The following DLC1 variants were observed in gnomAD, a reference collection of about 807,000 sequenced individuals.
DLC1 encodes the protein rho GTPase-activating protein 7.
In DLC1, 54 loss-of-function variants were observed where a neutral mutation model predicts 140.3. The ratio of observed to expected loss-of-function variants is 0.38; its 90% CI spans 0.31 to 0.48. The LOEUF (loss-of-function observed/expected upper bound fraction) is 0.48. DLC1 is among the 20% of genes least tolerant of loss of function. The pLI is 0.96. For missense variants in DLC1, 2,536 were observed against 1,907.0 expected (o/e 1.33, Z -6.14); for synonymous variants, 986 against 728.1 (o/e 1.35, Z -5.70).
In DLC1 at chr8:13,087,074, C is replaced by G. The variant is rs75879683; in HGVS notation, c.4293-611G>C. Among the ~76,000 whole-genome samples the G allele has an allele frequency of 2.2e-4, 34 of 152,340 alleles. No homozygotes were observed. The East Asian group carries it at 6.6e-3, about 29-fold the overall frequency. On this transcript the variant is annotated intron_variant, in intron 16 of 17. Coordinates refer to ENST00000276297, the MANE Select transcript of DLC1 (RefSeq NM_182643.3). The stretch of plus-strand genomic sequence containing the variant: ...GCTCTTTTGCTCTCCCTTGCCCTCT[C>G]TTTGCCCTTCCACTATGGGATGACA...
At chr8:13,590,540 A>G (rs929077674) in intron 1 of DLC1, among the ~76,000 whole-genome samples, 1 of 152,018 alleles carries the variant, frequency 6.6e-6, no homozygotes, top group Non-Finnish European at 1.5e-5. Context: ...TCTATAGAAA[A>G]TCCCTCATAA....
intron 5 of DLC1, among the ~76,000 whole-genome samples, chr8:13,199,681 G>A (rs562027818): frequency 7.2e-5 from 11 of 152,134 alleles, no homozygotes; most frequent in Non-Finnish European, 1.5e-4. Context: ...TTCTTCATAA[G>A]ATGGTGAGGG....
chr8:13,414,936 GA>G (rs1272081027), intron 2 of DLC1, among the ~76,000 whole-genome samples: 4 of 151,956 alleles, frequency 2.6e-5, no homozygotes, highest in Non-Finnish European at 4.4e-5. Flanking sequence ...TCAGCCTCCT[GA>G]GTAGCTGGGA....
intron 4 of DLC1, among the ~76,000 whole-genome samples, chr8:13,356,171 G>A (rs974633998): frequency 4.7e-5 from 7 of 148,578 alleles, no homozygotes; most frequent in East Asian, 2.0e-4. Context: ...AGTTTAATTC[G>A]AATAATAACC....
At chr8:13,570,092 ACT>A (rs1804593169) in intron 1 of DLC1, among the ~76,000 whole-genome samples, 1 of 151,882 alleles carries the variant, frequency 6.6e-6, no homozygotes, top group Non-Finnish European at 1.5e-5. Flanking sequence ...ACAAAACAAA[ACT>A]CTAAGTTGTT....
intron 4 of DLC1, among the ~76,000 whole-genome samples, chr8:13,345,100 G>T (rs922629875): frequency 4.6e-5 from 7 of 152,148 alleles, no homozygotes; most frequent in African/African-American, 1.7e-4. Flanking sequence ...TTATTTTGCA[G>T]ACGAGGATTG....
At chr8:13,178,175 C>A (rs1825852784) in intron 5 of DLC1, among the ~76,000 whole-genome samples, 1 of 151,992 alleles carries the variant, frequency 6.6e-6, no homozygotes, top group South Asian at 2.1e-4. Context: ...AAACAATATA[C>A]CTTTTAGAGG....
intron 5 of DLC1, among the ~76,000 whole-genome samples, chr8:13,179,205 G>T (rs763458483): frequency 1.4e-4 from 21 of 151,922 alleles, no homozygotes; most frequent in Non-Finnish European, 2.2e-4. Context: ...TTATGTGAAA[G>T]CAGAACGAAT....
At chr8:13,538,197 C>G (rs2898364) in intron 1 of DLC1, among the ~76,000 whole-genome samples, 60,343 of 151,846 alleles carry the variant, frequency 0.4, 12,962 homozygotes, top group East Asian at 0.8. Context: ...GATAATATGA[C>G]GACCACCTGA....
chr8:13,132,205 CTGTG>C (rs147699066), intron 5 of DLC1, among the ~76,000 whole-genome samples: 2,038 of 139,104 alleles, frequency 0.015, 20 homozygotes, highest in East Asian at 0.025. Context: ...AAAACCAAAA[CTGTG>C]TGTGTGTGTG....
chr8:13,184,876 T>A (rs1826255879), intron 5 of DLC1, among the ~76,000 whole-genome samples: 1 of 152,140 alleles, frequency 6.6e-6, no homozygotes, highest in Non-Finnish European at 1.5e-5. Flanking sequence ...ACTCACTGAT[T>A]TGTTTAATAT....
intron 4 of DLC1, among the ~76,000 whole-genome samples, chr8:13,351,619 GGTTT>G (rs1473579967): frequency 2.0e-5 from 3 of 152,184 alleles, no homozygotes; most frequent in Non-Finnish European, 4.4e-5. Context: ...CATGTACATT[GGTTT>G]GTTTATGTAT....
At chr8:13,241,180 A>C (rs956924074) in intron 5 of DLC1, among the ~76,000 whole-genome samples, 1 of 152,236 alleles carries the variant, frequency 6.6e-6, no homozygotes, top group Non-Finnish European at 1.5e-5. Flanking sequence ...CTGTGGCTTC[A>C]TAACATCCCT....
chr8:13,152,824 GAAAA>G (rs773483544), intron 5 of DLC1, among the ~76,000 whole-genome samples: 1 of 91,346 alleles, frequency 1.1e-5, no homozygotes, highest in Non-Finnish European at 2.0e-5. Flanking sequence ...CTCTGGGGAA[GAAAA>G]AAAAAAAAAA....
chr8:13,543,613 G>C (rs1803557565), intron 1 of DLC1, among the ~76,000 whole-genome samples: 1 of 152,054 alleles, frequency 6.6e-6, no homozygotes, highest in African/African-American at 2.4e-5. Context: ...ATAACACCAA[G>C]AAGATGTGTT....
At chr8:13,305,035 G>A (rs1284755333) in intron 5 of DLC1, 2 of 1,145,452 alleles carry the variant, frequency 1.7e-6, no homozygotes, top group African/African-American at 3.2e-5. Context: ...GCAGTTACAA[G>A]GAAGACCCCA....
At chr8:13,528,064 G>T (rs1345204516) in intron 1 of DLC1, among the ~76,000 whole-genome samples, 1 of 152,000 alleles carries the variant, frequency 6.6e-6, no homozygotes, top group Non-Finnish European at 1.5e-5. Flanking sequence ...AATCATTATT[G>T]TTAGATAAAT....
intron 5 of DLC1, among the ~76,000 whole-genome samples, chr8:13,146,358 T>C (rs541457109): frequency 6.8e-4 from 104 of 152,244 alleles, no homozygotes; most frequent in African/African-American, 2.2e-3. Flanking sequence ...AAGGACTCTT[T>C]TTTTTTAATC....
At chr8:13,478,540 T>TAAA in intron 2 of DLC1, among the ~76,000 whole-genome samples, 1 of 152,262 alleles carries the variant, frequency 6.6e-6, no homozygotes, top group African/African-American at 2.4e-5. Context: ...AACTCATAGC[T>TAAA]AAAAAATGCA....
Sources: allele counts gnomAD v4.1 joint callset (sites outside exome capture counted in the v4.1 genomes callset), GRCh38; gene constraint gnomAD v4.1.1; transcripts MANE v1.5; gene names NCBI Gene and HGNC (gene_info 2026-07-23, HGNC 2026-07-21).